GPC6: variants seen among roughly 807,000 people sequenced by gnomAD.
GPC6 encodes glypican 6, also known as glypican-6.
A neutral mutation model predicts 55.2 loss-of-function variants in GPC6; 14 were observed. That is an observed-to-expected ratio of 0.25 (90% CI 0.17 to 0.40). The LOEUF is 0.40. GPC6 is among the 10% of genes least tolerant of loss of function. GPC6 has a pLI of 1.00. For synonymous variants in GPC6, 278 were observed against 259.6 expected, an observed-to-expected ratio of 1.07 and a Z score of -0.68; for missense variants, 641 against 708.5, an observed-to-expected ratio of 0.90 and a Z score of 1.08.
At chr13:94,326,950 G>C (rs1358483006) in intron 6 of GPC6, among the ~76,000 whole-genome samples, 1 of 152,104 alleles carries the variant, frequency 6.6e-6, no homozygotes, top group African/African-American at 2.4e-5. Context: ...GGAAAAGGAG[G>C]GTCTACCTCC....
At chr13:94,248,131 T>A (rs765707332) in intron 4 of GPC6, among the ~76,000 whole-genome samples, 6 of 152,118 alleles carry the variant, frequency 3.9e-5, no homozygotes, top group Non-Finnish European at 7.4e-5. Context: ...ACATTCGTCA[T>A]GGAATTATTA....
intron 2 of GPC6, among the ~76,000 whole-genome samples, chr13:93,564,540 G>A (rs559643504): frequency 2.6e-5 from 4 of 152,254 alleles, no homozygotes; most frequent in South Asian, 2.1e-4. Context: ...TTTACAAGAC[G>A]CTAGAAGCAG....
intron 3 of GPC6, among the ~76,000 whole-genome samples, chr13:93,917,160 C>T (rs1877332781): frequency 6.6e-6 from 1 of 152,152 alleles, no homozygotes; most frequent in African/African-American, 2.4e-5. Flanking sequence ...ACTGAGTCTT[C>T]TTCCAAAGAC....
chr13:93,825,832 C>T (rs1025257410), intron 2 of GPC6, among the ~76,000 whole-genome samples: 1 of 148,122 alleles, frequency 6.8e-6, no homozygotes, highest in Admixed American at 6.7e-5. Flanking sequence ...TGTCAGCTTT[C>T]ATCTTTTATT....
intron 1 of GPC6, among the ~76,000 whole-genome samples, chr13:93,373,000 T>C (rs1874739388): frequency 6.6e-6 from 1 of 152,186 alleles, no homozygotes; most frequent in African/African-American, 2.4e-5. Flanking sequence ...CCTTCAGCAC[T>C]GTCATGGAGC....
intron 4 of GPC6, among the ~76,000 whole-genome samples, chr13:94,213,594 G>A (rs547202039): frequency 3.3e-5 from 5 of 152,296 alleles, no homozygotes; most frequent in Admixed American, 3.3e-4. Flanking sequence ...CACCGGTCTA[G>A]GATGGTCTCA....
At chr13:94,202,819 G>A (rs1485796904) in intron 4 of GPC6, among the ~76,000 whole-genome samples, 2 of 152,106 alleles carry the variant, frequency 1.3e-5, no homozygotes, top group Admixed American at 6.5e-5. Flanking sequence ...AGCAGAGCCC[G>A]GGAGTAGGTG....
Position 93,285,616 on chromosome 13 carries a change from CTGTGTGTG to C in GPC6, c.160+58040_160+58047del, listed in dbSNP as rs754671051. Among the ~76,000 whole-genome samples the C allele has an allele frequency of 5.0e-3, 516 of 103,574 alleles. 6 individuals are homozygous for C. Among genetic ancestry groups the C allele is most frequent in the Middle Eastern group, 0.038 (8 of 212 alleles). 67.9% of individuals were successfully genotyped at this position (103,574 alleles called of 152,430 possible). On this transcript the variant is annotated intron_variant, in intron 1 of 8. Transcript: ENST00000377047. ...GGGATGTATGTGTATGTATATACTGCTGTGTGTGTGTGTGTGTGTGTGTGTGTGTGTGT... is the reference window on the plus strand; with the variant it reads ...GGGATGTATGTGTATGTATATACTGCTGTGTGTGTGTGTGTGTGTGTGTGT...
chr13:94,320,209 T>G (rs773403039), intron 6 of GPC6, among the ~76,000 whole-genome samples: 10 of 152,252 alleles, frequency 6.6e-5, no homozygotes, highest in Non-Finnish European at 8.8e-5. Context: ...GATTTTATTT[T>G]TCTAGTACTT....
At chr13:93,291,037 G>T (rs781245936) in intron 1 of GPC6, among the ~76,000 whole-genome samples, 1 of 152,042 alleles carries the variant, frequency 6.6e-6, no homozygotes, top group Admixed American at 6.6e-5. Flanking sequence ...TCAAAGCATC[G>T]TCTATTAGGA....
intron 2 of GPC6, among the ~76,000 whole-genome samples, chr13:93,787,245 G>A (rs1247111145): frequency 3.3e-5 from 5 of 152,144 alleles, no homozygotes; most frequent in African/African-American, 4.8e-5. Context: ...ACTACTTTCC[G>A]TATGACAGGG....
rs11394432 is a variant in GPC6, at chr13:93,691,396, A to ATT, written c.320-138751_320-138750dup. On this transcript the variant is annotated intron_variant, in intron 2 of 8. Coordinates refer to ENST00000377047, the MANE Select transcript of GPC6 (RefSeq NM_005708.5). ...AAGCCACTTTTGCTTATTCCTATAT[A>ATT]TTTTTTTTAAATTATCTTTAAACTC... Among the ~76,000 whole-genome samples, 11 of 150,832 alleles carry ATT rather than the reference A, an allele frequency of 7.3e-5. No individual in the cohort carries two copies. The East Asian group carries it at 7.8e-4, about 11-fold the overall frequency.
intron 3 of GPC6, among the ~76,000 whole-genome samples, chr13:93,985,580 T>C (rs1880988758): frequency 6.8e-6 from 1 of 146,910 alleles, no homozygotes; most frequent in Non-Finnish European, 1.5e-5. Flanking sequence ...TAGTCTCAGC[T>C]ACTCAGGAGG....
intron 2 of GPC6, among the ~76,000 whole-genome samples, chr13:93,553,260 C>T (rs143810174): frequency 6.6e-6 from 1 of 151,514 alleles, no homozygotes; most frequent in African/African-American, 2.4e-5. Context: ...TTTTCCAAAA[C>T]AAATAAGATA....
At chr13:93,352,165 G>C (rs1040522355) in intron 1 of GPC6, among the ~76,000 whole-genome samples, 1 of 152,120 alleles carries the variant, frequency 6.6e-6, no homozygotes, top group Non-Finnish European at 1.5e-5. Flanking sequence ...AGAAGTGATG[G>C]TTGCACAACA....
rs143510308 is a variant in GPC6, at chr13:94,063,845, C to A, written c.877+35951C>A. Among the ~76,000 whole-genome samples the A allele has an allele frequency of 2.0e-3, 302 of 152,276 alleles. 4 individuals are homozygous for A. The highest frequency in any genetic ancestry group is 0.013 in the South Asian group (64 of 4,830). On this transcript the variant is annotated intron_variant, in intron 4 of 8. Coordinates refer to ENST00000377047, the MANE Select transcript of GPC6 (RefSeq NM_005708.5). ...AGCATTACATTCAGTTTGTTTATAT[C>A]ATTATCTCATTTGCCTCTAATTCTT...
At chr13:93,310,834 C>T (rs917073027) in intron 1 of GPC6, among the ~76,000 whole-genome samples, 5 of 152,152 alleles carry the variant, frequency 3.3e-5, no homozygotes, top group Non-Finnish European at 7.3e-5. Context: ...ACTGATATGA[C>T]ACATTGCATC....
intron 3 of GPC6, among the ~76,000 whole-genome samples, chr13:93,891,845 G>A (rs1464483808): frequency 6.6e-6 from 1 of 151,734 alleles, no homozygotes; most frequent in Non-Finnish European, 1.5e-5. Flanking sequence ...GTGTGTGTGT[G>A]TATATGTAGT....
At chr13:94,138,329 T>C (rs193004681) in intron 4 of GPC6, among the ~76,000 whole-genome samples, 337 of 152,354 alleles carry the variant, frequency 2.2e-3, no homozygotes, top group Non-Finnish European at 3.9e-3. Context: ...ATATAAACTT[T>C]AATAATCACC....
Sources: gnomAD v4.1 joint callset for allele counts (sites outside exome capture counted in the v4.1 genomes callset) on GRCh38, gnomAD v4.1.1 for gene constraint, MANE v1.5 for transcripts, NCBI Gene and HGNC (gene_info 2026-07-23, HGNC 2026-07-21) for gene names.